Variants in ANKS1B observed in about 807,000 individuals in gnomAD.
ANKS1B encodes ankyrin repeat and sterile alpha motif domain-containing protein 1B.
Under a neutral mutation model 148.3 loss-of-function variants are expected in ANKS1B, and 36 were observed. The ratio of observed to expected loss-of-function variants is 0.24; its 90% confidence interval spans 0.19 to 0.32. The LOEUF (loss-of-function observed/expected upper bound fraction) is 0.32. Among genes scored for constraint, ANKS1B ranks in the 10% least tolerant of loss-of-function variants. ANKS1B has a pLI of 1.00. For missense variants in ANKS1B, 1,157 were observed against 1,542.6 expected (o/e 0.75, Z 4.19); for synonymous variants, 542 against 560.8 (o/e 0.97, Z 0.47).
chr12:99,542,456 C>T (rs10777997), intron 9 of ANKS1B, among the ~76,000 whole-genome samples: 70,261 of 151,744 alleles, frequency 0.46, 16,426 homozygotes, highest in East Asian at 0.56. Flanking sequence ...TTAGAAGACA[C>T]AATATTTTTT....
At chr12:99,657,053 T>C (rs1350707119) in intron 8 of ANKS1B, among the ~76,000 whole-genome samples, 2 of 148,372 alleles carry the variant, frequency 1.3e-5, no homozygotes, top group East Asian at 4.8e-4. Context: ...CCCCAATCAG[T>C]TGCTGTCTAT....
chr12:98,863,232 T>C (rs2099608353), intron 17 of ANKS1B, among the ~76,000 whole-genome samples: 1 of 152,218 alleles, frequency 6.6e-6, no homozygotes, highest in Non-Finnish European at 1.5e-5. Context: ...TTATTAACCA[T>C]AATGACTAAT....
At chr12:99,979,074 GTTT>G (rs373452781) in intron 1 of ANKS1B, among the ~76,000 whole-genome samples, 2 of 151,040 alleles carry the variant, frequency 1.3e-5, no homozygotes, top group African/African-American at 2.4e-5. Flanking sequence ...AGGAAGAGAG[GTTT>G]TTTTTTAAGA....
intron 6 of ANKS1B, among the ~76,000 whole-genome samples, chr12:99,775,879 T>C (rs967118944): frequency 3.3e-5 from 5 of 152,192 alleles, no homozygotes; most frequent in African/African-American, 9.6e-5. Context: ...CACTGGATTA[T>C]TTGGGAGAAA....
intron 14 of ANKS1B, among the ~76,000 whole-genome samples, chr12:99,166,300 A>C (rs1390906167): frequency 2.0e-5 from 3 of 151,872 alleles, no homozygotes; most frequent in Non-Finnish European, 4.4e-5. Context: ...AATAAAATGC[A>C]TTCATATTGG....
At chr12:99,160,137 A>G (rs1036156866) in intron 14 of ANKS1B, among the ~76,000 whole-genome samples, 1 of 152,056 alleles carries the variant, frequency 6.6e-6, no homozygotes, top group Non-Finnish European at 1.5e-5. Flanking sequence ...GTTTGTTGGA[A>G]GCATAGTTTG....
Position 98,745,491 on chromosome 12 carries a change from C to G in ANKS1B, c.*248G>C. 8.6e-7 allele frequency: 1 copy of G among 1,156,690 alleles called. No individual in the cohort carries two copies. Among genetic ancestry groups the G allele is most frequent in the Non-Finnish European group, 1.1e-6 (1 of 939,158 alleles). The allele number at this position is 1,156,690 out of a possible 1,614,324, so 71.7% of individuals were successfully genotyped here. ...CTTGGGAGGTGGTGGGGAGGGGAGT[C>G]GGGAGCATCAGGGAAAACCCATCTC... On this transcript the variant is annotated 3_prime_UTR_variant, in exon 27 of 27. Coordinates refer to ENST00000683438, the MANE Select transcript of ANKS1B (RefSeq NM_001352186.2).
intron 10 of ANKS1B, among the ~76,000 whole-genome samples, chr12:99,494,502 G>A (rs1297059258): frequency 6.6e-6 from 1 of 152,044 alleles, no homozygotes; most frequent in Non-Finnish European, 1.5e-5. Flanking sequence ...GGGAGGCCGA[G>A]GTGGGCGGGT....
intron 7 of ANKS1B, among the ~76,000 whole-genome samples, chr12:99,774,907 G>T (rs1353242376): frequency 6.6e-6 from 1 of 152,060 alleles, no homozygotes; most frequent in Non-Finnish European, 1.5e-5. Context: ...GGTACAGAAA[G>T]ACAAATACTG....
chr12:99,682,430 G>A (rs1017208430), intron 8 of ANKS1B, among the ~76,000 whole-genome samples: 1 of 152,018 alleles, frequency 6.6e-6, no homozygotes, highest in African/African-American at 2.4e-5. Context: ...ATACCACAGT[G>A]CAATAAAATT....
chr12:99,718,146 C>T (rs956088552), intron 8 of ANKS1B, among the ~76,000 whole-genome samples: 6 of 151,932 alleles, frequency 3.9e-5, no homozygotes, highest in African/African-American at 9.7e-5. Context: ...GTGATCCGCC[C>T]GCCTCTGCTT....
intron 16 of ANKS1B, among the ~76,000 whole-genome samples, chr12:99,074,955 G>A (rs960428945): frequency 1.8e-4 from 27 of 152,146 alleles, no homozygotes; most frequent in Admixed American, 2.6e-4. Flanking sequence ...TTTTTATGAG[G>A]TGTAATGGGA....
chr12:99,229,790 G>A (rs117683048), intron 14 of ANKS1B, among the ~76,000 whole-genome samples: 22 of 151,982 alleles, frequency 1.4e-4, no homozygotes, highest in African/African-American at 5.1e-4. Flanking sequence ...TAGAAAATGC[G>A]CTAACAATTA....
intron 10 of ANKS1B, among the ~76,000 whole-genome samples, chr12:99,498,111 A>G (rs2096621382): frequency 6.6e-6 from 1 of 151,962 alleles, no homozygotes; most frequent in Non-Finnish European, 1.5e-5. Context: ...CTCTGCTGCA[A>G]TTGTCTTTGT....
rs375562206 is a variant in ANKS1B at position 99,316,444 on chromosome 12, T to C, written c.1757-69580A>G. On this transcript the variant is annotated intron_variant, in intron 12 of 26. Coordinates refer to ENST00000683438, the MANE Select transcript of ANKS1B (RefSeq NM_001352186.2). ...CAGTGATGATAAGCATTTTTTCATG[T>C]GTCTGTTGGGGGCATAAATGCTTTC... Among the ~76,000 whole-genome samples the C allele has an allele frequency of 1.1e-4, 17 of 152,352 alleles. No individual in the cohort carries two copies. The East Asian group carries it at 2.3e-3, about 21-fold the overall frequency.
At chr12:99,148,583 A>G (rs931968733) in intron 15 of ANKS1B, among the ~76,000 whole-genome samples, 1 of 152,150 alleles carries the variant, frequency 6.6e-6, no homozygotes, top group Non-Finnish European at 1.5e-5. Context: ...CTCTTTAAAG[A>G]GCTCAAAATA....
At chr12:99,240,441 T>C (rs902412831) in intron 14 of ANKS1B, among the ~76,000 whole-genome samples, 3 of 152,124 alleles carry the variant, frequency 2.0e-5, no homozygotes, top group Admixed American at 6.5e-5. Flanking sequence ...CAAAGAGACA[T>C]AGACTCCCAT....
Position 98,865,310 on chromosome 12 carries a change from T to C in ANKS1B, c.2779-33174A>G, listed in dbSNP as rs569346576. On this transcript the variant is annotated intron_variant, in intron 17 of 26. Coordinates refer to ENST00000683438, the MANE Select transcript of ANKS1B (RefSeq NM_001352186.2). ...TCCTCTTGCTTAGTCCCTGTTGTGATAAATTATGTCCCTCCCCTCCCCATT... is the reference window on the plus strand; with the variant it reads ...TCCTCTTGCTTAGTCCCTGTTGTGACAAATTATGTCCCTCCCCTCCCCATT... Among the ~76,000 whole-genome samples, 12 of 152,314 alleles carry C rather than the reference T, an allele frequency of 7.9e-5. No homozygotes were observed. The South Asian group carries it at 2.5e-3, about 32-fold the overall frequency.
chr12:99,968,707 C>G (rs1042241088), intron 1 of ANKS1B, among the ~76,000 whole-genome samples: 2 of 152,098 alleles, frequency 1.3e-5, no homozygotes, highest in African/African-American at 2.4e-5. Flanking sequence ...AATGTGGTTC[C>G]CAGTGTTGGA....
Sources: allele counts gnomAD v4.1 joint callset (sites outside exome capture counted in the v4.1 genomes callset), GRCh38; gene constraint gnomAD v4.1.1; transcripts MANE v1.5; gene names NCBI Gene and HGNC (gene_info 2026-07-23, HGNC 2026-07-21).